Variants in PLCB1 observed in about 807,000 individuals in gnomAD.
The protein encoded by PLCB1 is phospholipase C beta 1.
A neutral mutation model predicts 161.8 loss-of-function variants in PLCB1; 46 were observed. The ratio of observed to expected loss-of-function variants is 0.28; its 90% CI spans 0.22 to 0.36. PLCB1 has a LOEUF of 0.36. PLCB1 is among the 10% of genes least tolerant of loss of function. The pLI is 1.00. For synonymous variants in PLCB1, 517 were observed against 503.7 expected, an observed-to-expected ratio of 1.03 and a Z score of -0.35; for missense variants, 1,016 against 1,472.5, an observed-to-expected ratio of 0.69 and a Z score of 5.07.
intron 3 of PLCB1, among the ~76,000 whole-genome samples, chr20:8,546,566 G>T (rs978788304): frequency 2.0e-5 from 3 of 152,024 alleles, no homozygotes; most frequent in Non-Finnish European, 2.9e-5. Flanking sequence ...TAAGCTCTAG[G>T]GGGGAGGTAA....
rs2146220088 is a variant in PLCB1, at chr20:8,788,442, T to C, written c.3112-7T>C. ...TGAAATAGCAAACTGACATTTTCTT[T>C]TTCCAGCTTATTCAAAAGTTGACGG... On this transcript the variant is annotated splice_polypyrimidine_tract_variant and splice_region_variant and intron_variant, in intron 27 of 31. Coordinates refer to ENST00000338037, the MANE Select transcript of PLCB1 (RefSeq NM_015192.4). 6.2e-7 allele frequency: 1 copy of C among 1,612,198 alleles called. No individual in the cohort carries two copies. Among genetic ancestry groups the C allele is most frequent in the South Asian group, 1.1e-5 (1 of 90,356 alleles).
chr20:8,678,923 A>G (rs1007291313), intron 9 of PLCB1, among the ~76,000 whole-genome samples: 30 of 152,166 alleles, frequency 2.0e-4, no homozygotes, highest in Admixed American at 2.0e-3. Flanking sequence ...ATGGGCTGCA[A>G]CTCCAAACTC....
intron 1 of PLCB1, among the ~76,000 whole-genome samples, chr20:8,149,175 T>A (rs1479407303): frequency 6.6e-6 from 1 of 152,204 alleles, no homozygotes; most frequent in Non-Finnish European, 1.5e-5. Context: ...ATAATGAACA[T>A]TTTTATGTGG....
intron 3 of PLCB1, among the ~76,000 whole-genome samples, chr20:8,556,348 A>G (rs1431902929): frequency 6.6e-6 from 1 of 152,070 alleles, no homozygotes; most frequent in African/African-American, 2.4e-5. Flanking sequence ...CCTCCAAAAC[A>G]TAGAAAGGTA....
chr20:8,704,302 C>CTG (rs1978539488), intron 11 of PLCB1, among the ~76,000 whole-genome samples: 1 of 150,282 alleles, frequency 6.7e-6, no homozygotes, highest in Non-Finnish European at 1.5e-5. Flanking sequence ...TACAGTGAGC[C>CTG]AAGATCATGC....
intron 10 of PLCB1, among the ~76,000 whole-genome samples, chr20:8,690,387 T>C (rs1270242691): frequency 1.3e-5 from 2 of 152,124 alleles, no homozygotes; most frequent in Non-Finnish European, 2.9e-5. Context: ...AGCTAGGATT[T>C]TTCAAGGATA....
intron 3 of PLCB1, among the ~76,000 whole-genome samples, chr20:8,406,093 A>G (rs1568664011): frequency 6.6e-6 from 1 of 151,998 alleles, no homozygotes; most frequent in Non-Finnish European, 1.5e-5. Context: ...TTGAAGGCCC[A>G]AGTCAAGTCA....
chr20:8,564,977 C>A (rs1986274724), intron 3 of PLCB1, among the ~76,000 whole-genome samples: 1 of 152,098 alleles, frequency 6.6e-6, no homozygotes, highest in East Asian at 1.9e-4. Flanking sequence ...CCCAGCAATC[C>A]CATTACTGGG....
chr20:8,432,332 C>T (rs150767532), intron 3 of PLCB1, among the ~76,000 whole-genome samples: 224 of 152,310 alleles, frequency 1.5e-3, no homozygotes, highest in Middle Eastern at 6.8e-3. Flanking sequence ...CATGCCAGTG[C>T]GCAATCCTCC....
At chr20:8,573,948 GA>G (rs573964027) in intron 3 of PLCB1, among the ~76,000 whole-genome samples, 2 of 151,866 alleles carry the variant, frequency 1.3e-5, no homozygotes, top group Non-Finnish European at 2.9e-5. Flanking sequence ...GTGCAAAAGG[GA>G]AAAAAAGATA....
chr20:8,584,622 A>G lies in PLCB1; in HGVS notation c.247-43672A>G, dbSNP rs564207798. On this transcript the variant is annotated intron_variant, in intron 3 of 31. Transcript: ENST00000338037. Reference sequence around the variant, plus strand: ...GATCTTCCTAAATTTTCACGCTTCCATGGAAGAATTGTTTTTCCAAGTTGG... The same window carrying G: ...GATCTTCCTAAATTTTCACGCTTCCGTGGAAGAATTGTTTTTCCAAGTTGG... Among the ~76,000 whole-genome samples the G allele has an allele frequency of 2.6e-5, 4 of 152,058 alleles. No individual in the cohort carries two copies. The South Asian group carries it at 8.3e-4, about 32-fold the overall frequency.
rs758638401 is a variant in PLCB1 at position 8,371,366 on chromosome 20, C to T, written c.178-16C>T. ...TCTGTGTCGTTGCTTAACGATTTCA[C>T]GTTTTTGCCTTCCAGGAGACAGAGC... On this transcript the variant is annotated splice_polypyrimidine_tract_variant and intron_variant, in intron 2 of 31. Coordinates refer to ENST00000338037, the MANE Select transcript of PLCB1 (RefSeq NM_015192.4). 77 of 1,598,514 alleles carry T rather than the reference C, an allele frequency of 4.8e-5. No individual in the cohort carries two copies. Among genetic ancestry groups the T allele is most frequent in the South Asian group, 4.1e-4 (37 of 89,496 alleles).
intron 2 of PLCB1, among the ~76,000 whole-genome samples, chr20:8,320,039 G>A (rs1984838531): frequency 6.6e-6 from 1 of 151,986 alleles, no homozygotes; most frequent in African/African-American, 2.4e-5. Flanking sequence ...TGTTTAGCAC[G>A]AGGTTTTGGG....
chr20:8,263,572 G>C (rs1795011536), intron 2 of PLCB1, among the ~76,000 whole-genome samples: 1 of 152,068 alleles, frequency 6.6e-6, no homozygotes, highest in South Asian at 2.1e-4. Context: ...GAACATCAGG[G>C]ACTGAACTTA....
intron 3 of PLCB1, among the ~76,000 whole-genome samples, chr20:8,624,197 G>A (rs1988266635): frequency 1.3e-5 from 2 of 152,152 alleles, no homozygotes; most frequent in Admixed American, 1.3e-4. Flanking sequence ...CTACTGGAAA[G>A]CCTCTTATAT....
At chr20:8,870,317 T>G (rs2146323916) in intron 31 of PLCB1, among the ~76,000 whole-genome samples, 1 of 152,366 alleles carries the variant, frequency 6.6e-6, no homozygotes, top group Admixed American at 6.5e-5. Flanking sequence ...AGTCATTTTC[T>G]GAGACGTCAA....
chr20:8,695,661 C>T (rs1172520410), intron 10 of PLCB1, among the ~76,000 whole-genome samples: 2 of 152,078 alleles, frequency 1.3e-5, no homozygotes, highest in African/African-American at 4.8e-5. Context: ...ATGATCACAC[C>T]ACTGCACTCT....
chr20:8,332,481 T>C (rs1985402095), intron 2 of PLCB1, among the ~76,000 whole-genome samples: 1 of 152,254 alleles, frequency 6.6e-6, no homozygotes, highest in African/African-American at 2.4e-5. Context: ...TTATCAATAA[T>C]CAAAATGTAC....
chr20:8,628,848 C>T (rs1304425232), intron 4 of PLCB1, among the ~76,000 whole-genome samples: 2 of 151,922 alleles, frequency 1.3e-5, no homozygotes, highest in Admixed American at 6.6e-5. Flanking sequence ...GCAGGAGAAT[C>T]GCTTGAACCC....
Sources: gnomAD v4.1 joint callset for allele counts (sites outside exome capture counted in the v4.1 genomes callset) on GRCh38, gnomAD v4.1.1 for gene constraint, MANE v1.5 for transcripts, NCBI Gene and HGNC (gene_info 2026-07-23, HGNC 2026-07-21) for gene names.